The following SEMA3C variants were observed in gnomAD, a reference collection of about 807,000 sequenced individuals.
The protein encoded by SEMA3C is semaphorin 3C.
A neutral mutation model predicts 89.4 loss-of-function variants in SEMA3C; 47 were observed. The observed-to-expected ratio is 0.53, with a 90% CI of 0.42 to 0.67. The LOEUF (loss-of-function observed/expected upper bound fraction) is 0.67, where lower values mean the gene tolerates loss of function less well. Ranked by LOEUF, SEMA3C falls within the 30% of genes least tolerant of loss-of-function variation. The pLI is 0.00. For missense variants in SEMA3C, 839 were observed against 929.1 expected, an observed-to-expected ratio of 0.90 and a Z score of 1.26; for synonymous variants, 310 against 320.2, an observed-to-expected ratio of 0.97 and a Z score of 0.34.
chr7:80,797,740 C>T (rs1331951319), intron 11 of SEMA3C, among the ~76,000 whole-genome samples: 1 of 152,174 alleles, frequency 6.6e-6, no homozygotes, highest in Non-Finnish European at 1.5e-5. Flanking sequence ...TGGCTCACGC[C>T]TGTAATCCAA....
At chr7:80,901,889 T>C (rs1001767490) in intron 2 of SEMA3C, among the ~76,000 whole-genome samples, 1 of 152,240 alleles carries the variant, frequency 6.6e-6, no homozygotes, top group African/African-American at 2.4e-5. Context: ...ATTGATGCAC[T>C]AAAACAAAGA....
intron 4 of SEMA3C, among the ~76,000 whole-genome samples, chr7:80,821,442 C>T (rs1789744527): frequency 6.6e-6 from 1 of 152,034 alleles, no homozygotes; most frequent in Non-Finnish European, 1.5e-5. Context: ...GGGTGGGCGA[C>T]AGAGTGTCGC....
intron 3 of SEMA3C, 126 bp from the exon 4 acceptor site, chr7:80,827,613 T>G (rs1024878399): frequency 1.9e-6 from 1 of 535,230 alleles, no homozygotes; most frequent in African/African-American, 2.0e-5. Flanking sequence ...TAAAATTCTT[T>G]CTTTTTTATC....
intron 12 of SEMA3C, among the ~76,000 whole-genome samples, chr7:80,777,078 C>T (rs575035290): frequency 6.6e-6 from 1 of 152,182 alleles, no homozygotes; most frequent in African/African-American, 2.4e-5. Context: ...CAGGCTTATA[C>T]ATATTTTATC....
intron 2 of SEMA3C, among the ~76,000 whole-genome samples, chr7:80,833,769 C>T (rs968797981): frequency 2.0e-5 from 3 of 151,380 alleles, no homozygotes; most frequent in Non-Finnish European, 4.4e-5. Flanking sequence ...AGAGAAACGA[C>T]CATTTTTTTT....
At chr7:80,801,917 G>A (rs1246039991) in intron 9 of SEMA3C, among the ~76,000 whole-genome samples, 1 of 152,000 alleles carries the variant, frequency 6.6e-6, no homozygotes, top group Non-Finnish European at 1.5e-5. Flanking sequence ...ATTACTATTA[G>A]AATCAGTAAA....
rs547390803 is a variant in SEMA3C, at chr7:80,911,652, TGCTCAGGCTGGAGTACAATG to T, written c.103+5007_103+5026del. Reference sequence around the variant, plus strand: ...TTTTTGAAAGAGAGTCTCACTCTCTTGCTCAGGCTGGAGTACAATGGCTCAGGCTGGAGTACAATGGCACG... The same window carrying T: ...TTTTTGAAAGAGAGTCTCACTCTCTTGCTCAGGCTGGAGTACAATGGCACG... On this transcript the variant is annotated intron_variant, in intron 2 of 17. Transcript: ENST00000265361. 5.3e-3 allele frequency among the ~76,000 whole-genome samples: 797 copies of T among 151,588 alleles called. 6 individuals are homozygous for T. The highest frequency in any genetic ancestry group is 0.018 in the African/African-American group (732 of 41,242).
Position 80,743,724 on chromosome 7 carries a change from A to G in SEMA3C, c.*1170T>C, listed in dbSNP as rs138995345. On this transcript the variant is annotated 3_prime_UTR_variant, in exon 18 of 18. Transcript: ENST00000265361. ...CACAAAATTTACTACTTTTACACTT[A>G]GAGACCAGTGAACGTATGTACCATT... is the stretch of plus-strand genomic sequence containing the variant. 33 of 152,114 alleles carry G rather than the reference A, an allele frequency of 2.2e-4. No individual in the cohort carries two copies. Among genetic ancestry groups the G allele is most frequent in the Non-Finnish European group, 3.2e-4 (22 of 67,852 alleles). 9.4% of individuals were successfully genotyped at this position (152,114 alleles called of 1,614,324 possible).
intron 12 of SEMA3C, among the ~76,000 whole-genome samples, chr7:80,781,830 T>A (rs1413922526): frequency 6.6e-6 from 1 of 152,190 alleles, no homozygotes; most frequent in Non-Finnish European, 1.5e-5. Flanking sequence ...GTGGTCTGAC[T>A]GTAATTGTTT....
intron 2 of SEMA3C, among the ~76,000 whole-genome samples, chr7:80,833,615 T>A (rs140226878): frequency 6.6e-6 from 1 of 152,194 alleles, no homozygotes; most frequent in Non-Finnish European, 1.5e-5. Flanking sequence ...CAAATTTAAT[T>A]ACCTATGGCT....
At chr7:80,878,259 C>T (rs1005949789) in intron 2 of SEMA3C, among the ~76,000 whole-genome samples, 4 of 152,110 alleles carry the variant, frequency 2.6e-5, no homozygotes, top group African/African-American at 9.7e-5. Context: ...TGCCTATAAT[C>T]CCAGCTACTT....
intron 10 of SEMA3C, 144 bp from the exon 11 acceptor site, chr7:80,798,380 A>T: frequency 1.5e-6 from 1 of 652,124 alleles, no homozygotes. Flanking sequence ...TGAAAAGCTG[A>T]AAAACTTTGA....
At position 80,749,006 on chromosome 7, in the gene SEMA3C, A is replaced by T. The variant is rs149101564; in HGVS notation, c.1734T>A (p.Ile578=). 104 of 1,607,164 alleles carry T rather than the reference A, an allele frequency of 6.5e-5. No individual in the cohort carries two copies. In the African/African-American group the frequency reaches 9.4e-4, roughly 14 times the overall value. ...TGTTATTTTTTACTCCATACTGGAC[A>T]ATTTCAGCTGCATTTCTGTATGCTA... ...NLKAYRNAAE[I]VQYGVKNNTT... is the part of the protein sequence containing the mutation. Residue 578 remains isoleucine, a synonymous_variant, in exon 17 of 18, where the codon ATT becomes ATA. Coordinates refer to ENST00000265361, the MANE Select transcript of SEMA3C (RefSeq NM_006379.5).
At chr7:80,763,519 T>G (rs1788232009) in intron 13 of SEMA3C, among the ~76,000 whole-genome samples, 1 of 152,192 alleles carries the variant, frequency 6.6e-6, no homozygotes, top group Non-Finnish European at 1.5e-5. Context: ...GTTTTTCCAC[T>G]GAGAGTTTAT....
At chr7:80,749,169 T>G in intron 16 of SEMA3C, 141 bp from the exon 17 acceptor site, 1 of 857,818 alleles carries the variant, frequency 1.2e-6, no homozygotes, top group South Asian at 2.3e-5. Context: ...AAAACAGTGG[T>G]AATCATTTAA....
intron 12 of SEMA3C, among the ~76,000 whole-genome samples, chr7:80,773,039 C>T (rs1266697802): frequency 6.6e-6 from 1 of 152,010 alleles, no homozygotes; most frequent in Admixed American, 6.6e-5. Flanking sequence ...ATTAAAGAAT[C>T]GTGAGAGAAA....
At chr7:80,866,885 G>A (rs1562914161) in intron 2 of SEMA3C, among the ~76,000 whole-genome samples, 1 of 152,102 alleles carries the variant, frequency 6.6e-6, no homozygotes, top group Non-Finnish European at 1.5e-5. Flanking sequence ...GCTTAAAAAC[G>A]GACATATTTT....
chr7:80,789,243 C>A lies in SEMA3C; in HGVS notation c.1354+63G>T, dbSNP rs1465927289. 3 of 1,306,330 alleles carry A rather than the reference C, an allele frequency of 2.3e-6. No individual in the cohort carries two copies. The African/African-American group carries it at 4.4e-5, about 19-fold the overall frequency. 80.9% of individuals were successfully genotyped at this position (1,306,330 alleles called of 1,614,324 possible). ...GTTTCAAGATCATGGCCCTTACCTA[C>A]TACCTATATTTAGTACATTCTTTTA... is the stretch of plus-strand genomic sequence containing the variant. On this transcript the variant is annotated intron_variant, in intron 12 of 17. Transcript: ENST00000265361.
intron 2 of SEMA3C, among the ~76,000 whole-genome samples, chr7:80,866,962 C>T (rs755973993): frequency 2.6e-5 from 4 of 152,022 alleles, no homozygotes; most frequent in African/African-American, 9.7e-5. Context: ...AACAATGGAG[C>T]CTGTGAGTCA....
Sources: gnomAD v4.1 joint callset for allele counts (sites outside exome capture counted in the v4.1 genomes callset) on GRCh38, gnomAD v4.1.1 for gene constraint, MANE v1.5 for transcripts, NCBI Gene and HGNC (gene_info 2026-07-23, HGNC 2026-07-21) for gene names.